Variants in ZHX3 observed in about 807,000 individuals in gnomAD.
ZHX3 encodes zinc fingers and homeoboxes protein 3.
A neutral mutation model predicts 64.5 loss-of-function variants in ZHX3; 20 were observed. The ratio of observed to expected loss-of-function variants is 0.31; its 90% confidence interval spans 0.22 to 0.45. The LOEUF is 0.45. ZHX3 is among the 20% of genes least tolerant of loss of function. The probability of loss-of-function intolerance (pLI) is 1.00; values close to 1 mark genes in which losing one functional copy is unlikely to be tolerated. For synonymous variants in ZHX3, 423 were observed against 461.6 expected (o/e 0.92, Z 1.07); for missense variants, 1,041 against 1,195.8 (o/e 0.87, Z 1.91).
Position 41,203,822 on chromosome 20 carries a change from A to G in ZHX3, c.1095T>C (p.Pro365=), listed in dbSNP as rs781060319. The G allele has an allele frequency of 4.3e-6, 7 of 1,614,130 alleles. No individual in the cohort carries two copies. In the South Asian group the frequency reaches 6.6e-5, roughly 15 times the overall value. Residue 365 remains proline, a synonymous_variant, in exon 3 of 4, where the codon CCT becomes CCC. Coordinates refer to ENST00000683867, the MANE Select transcript of ZHX3 (RefSeq NM_001384317.1). The surrounding 1 kb of genome is among the most constrained non-coding windows in gnomAD (Gnocchi z 7.1). The part of the protein sequence containing the change: ...QRLKQGISWS[P]EEIEDARKKM... Reference sequence around the variant, plus strand: ...TTTTCCGGGCATCCTCAATCTCCTCAGGGGACCAGCTGATCCCCTGCTTCA... The same window carrying G: ...TTTTCCGGGCATCCTCAATCTCCTCGGGGGACCAGCTGATCCCCTGCTTCA...
In ZHX3 at chr20:41,200,295, T is replaced by C. The variant is rs1600743752; in HGVS notation, c.2860+1762A>G. Among the ~76,000 whole-genome samples, 1 of 152,302 alleles carries C rather than the reference T, an allele frequency of 6.6e-6. No individual in the cohort carries two copies. Among genetic ancestry groups the C allele is most frequent in the East Asian group, 1.9e-4 (1 of 5,184 alleles). Reference sequence around the variant, plus strand: ...CCATCTTCCATAACATCATTCTCCATGTCAGCTTTCGTAATCAACTTGTTC... The same window carrying C: ...CCATCTTCCATAACATCATTCTCCACGTCAGCTTTCGTAATCAACTTGTTC... On this transcript the variant is annotated intron_variant, in intron 3 of 3. Transcript: ENST00000683867. This position sits in a 1 kb window ranked among gnomAD's most constrained non-coding sequence, Gnocchi z 4.2.
intron 2 of ZHX3, among the ~76,000 whole-genome samples, chr20:41,238,329 T>C (rs898411300): frequency 2.0e-5 from 3 of 152,064 alleles, no homozygotes; most frequent in Non-Finnish European, 4.4e-5. Flanking sequence ...CTAACAGAGT[T>C]TGAGTAACAA....
intron 1 of ZHX3, chr20:41,272,307 G>C (rs1056145294): frequency 3.3e-5 from 5 of 152,188 alleles, no homozygotes; most frequent in Non-Finnish European, 1.5e-5. Flanking sequence ...AACTATGACA[G>C]CAAAGCCACA....
At chr20:41,240,694 T>G (rs190763428) in intron 2 of ZHX3, among the ~76,000 whole-genome samples, 10 of 152,182 alleles carry the variant, frequency 6.6e-5, no homozygotes, top group Admixed American at 2.6e-4. Flanking sequence ...TAACCATCCT[T>G]CTACTCTGTA....
chr20:41,248,083 G>A (rs1036568232), intron 2 of ZHX3, among the ~76,000 whole-genome samples: 6 of 152,190 alleles, frequency 3.9e-5, no homozygotes, highest in African/African-American at 9.6e-5. Context: ...ACACCCAAGC[G>A]TAAATCTACT....
Position 41,203,223 on chromosome 20 carries a change from G to A in ZHX3, c.1694C>T (p.Ser565Phe). The A allele has an allele frequency of 6.2e-7, 1 of 1,614,138 alleles. No individual in the cohort carries two copies. The highest frequency in any genetic ancestry group is 8.5e-7 in the Non-Finnish European group (1 of 1,180,032). ...SRAMIPGDHS[S>F]IIIDSVPEVS... ...CTCTGGCACAGAGTCAATGATGATG[G>A]AACTGTGATCTCCAGGTATCATCGC... is the stretch of plus-strand genomic sequence containing the variant. The change falls in exon 3 of 4, where the codon TCC becomes TTC. Residue 565 changes from serine (S) to phenylalanine (F), a missense_variant. Physicochemically the swap from Ser to Phe is radical, Grantham distance 155. This residue lies in a region of ZHX3 where 649 missense variants were observed against 739.8 expected (regional missense o/e 0.88). Coordinates refer to ENST00000683867, the MANE Select transcript of ZHX3 (RefSeq NM_001384317.1). This position sits in a 1 kb window ranked among gnomAD's most constrained non-coding sequence, Gnocchi z 7.1.
At chr20:41,221,827 G>A (rs902518667) in intron 2 of ZHX3, among the ~76,000 whole-genome samples, 1 of 152,226 alleles carries the variant, frequency 6.6e-6, no homozygotes, top group Non-Finnish European at 1.5e-5. Flanking sequence ...ACCTTGAGGT[G>A]AGAATGTGCC....
intron 1 of ZHX3, among the ~76,000 whole-genome samples, chr20:41,287,520 T>C (rs4812488): frequency 0.4 from 60,363 of 152,034 alleles, 12,437 homozygotes; most frequent in East Asian, 0.74. Flanking sequence ...TATGATGAAA[T>C]GTCACTTCCA....
chr20:41,317,711 C>T lies in ZHX3; in HGVS notation c.-447G>A, dbSNP rs1195606613. Reference sequence around the variant, plus strand: ...CCGCTCGGCTGGGCTCGGCCGCTCTCGGAGGCGCTCGGCTCTGCTCGGCCT... The same window carrying T: ...CCGCTCGGCTGGGCTCGGCCGCTCTTGGAGGCGCTCGGCTCTGCTCGGCCT... On this transcript the variant is annotated 5_prime_UTR_variant, in exon 1 of 4. Transcript: ENST00000683867. The T allele has an allele frequency of 6.6e-6, 1 of 151,878 alleles. No individual in the cohort carries two copies. The highest frequency in any genetic ancestry group is 1.5e-5 in the Non-Finnish European group (1 of 67,972). The allele number at this position is 151,878 out of a possible 1,614,324, so 9.4% of individuals were successfully genotyped here. A position where few individuals can be genotyped will look rare whatever the true frequency, so the allele number is the denominator to read the frequency against.
chr20:41,225,133 T>G (rs1264189855), intron 2 of ZHX3, among the ~76,000 whole-genome samples: 2 of 152,264 alleles, frequency 1.3e-5, no homozygotes, highest in Non-Finnish European at 2.9e-5. Flanking sequence ...CACTGTGGAC[T>G]GTGTATTCCT....
At chr20:41,257,179 C>T (rs1410185307) in intron 2 of ZHX3, among the ~76,000 whole-genome samples, 4 of 152,190 alleles carry the variant, frequency 2.6e-5, no homozygotes, top group African/African-American at 9.7e-5. Flanking sequence ...CCATCTTGGC[C>T]TCAGCAGCAA....
At chr20:41,268,486 TA>T (rs1458283551) in intron 2 of ZHX3, among the ~76,000 whole-genome samples, 1 of 152,230 alleles carries the variant, frequency 6.6e-6, no homozygotes, top group Non-Finnish European at 1.5e-5. Context: ...TGTCCATCAT[TA>T]AATACACTAG....
intron 2 of ZHX3, among the ~76,000 whole-genome samples, chr20:41,221,970 T>G (rs1363123477): frequency 6.6e-6 from 1 of 152,214 alleles, no homozygotes; most frequent in African/African-American, 2.4e-5. Context: ...ACTGCCATGA[T>G]CTGAGTCTCT....
Position 41,240,709 on chromosome 20 carries a change from G to A in ZHX3, c.-151+28281C>T, listed in dbSNP as rs181997277. Among the ~76,000 whole-genome samples the A allele has an allele frequency of 5.2e-4, 79 of 151,930 alleles. 1 individual carries two copies. Among genetic ancestry groups the A allele is most frequent in the East Asian group, 4.7e-3 (24 of 5,160 alleles). ...TAACCATCCTTCTACTCTGTATCTC[G>A]ATAAGTTCAATTCTTTTAATTTTTA... On this transcript the variant is annotated intron_variant, in intron 2 of 3. Coordinates refer to ENST00000683867, the MANE Select transcript of ZHX3 (RefSeq NM_001384317.1).
At chr20:41,218,443 CTAAATAAA>C (rs60949298) in intron 2 of ZHX3, among the ~76,000 whole-genome samples, 15 of 151,710 alleles carry the variant, frequency 9.9e-5, no homozygotes, top group Middle Eastern at 3.4e-3. Context: ...GACCCTGTCT[CTAAATAAA>C]TAAATAAATA....
intron 2 of ZHX3, among the ~76,000 whole-genome samples, chr20:41,230,807 T>TG (rs1394161894): frequency 6.6e-6 from 1 of 152,162 alleles, no homozygotes; most frequent in Non-Finnish European, 1.5e-5. Flanking sequence ...GCCTACTCCA[T>TG]TATCAACATT....
rs1331889773 is a variant in ZHX3, at chr20:41,224,680, T to C, written c.-150-19614A>G. 6.6e-6 allele frequency among the ~76,000 whole-genome samples: 1 copy of C among 152,230 alleles called. No homozygotes were observed. The highest frequency in any genetic ancestry group is 1.9e-4 in the East Asian group (1 of 5,198). ...AGAATTAAGGAGGATTAGGATTCTT[T>C]CATCACAAGGCCATTTGGATACACG... On this transcript the variant is annotated intron_variant, in intron 2 of 3. Transcript: ENST00000683867. This position sits in a 1 kb window ranked among gnomAD's most constrained non-coding sequence, Gnocchi z 5.2.
chr20:41,239,918 A>T (rs1276355137), intron 2 of ZHX3, among the ~76,000 whole-genome samples: 1 of 152,216 alleles, frequency 6.6e-6, no homozygotes, highest in Non-Finnish European at 1.5e-5. Flanking sequence ...AAGGAGAAGA[A>T]TGTCTTGGAA....
Position 41,204,857 on chromosome 20 carries a change from C to T in ZHX3, c.60G>A (p.Leu20=). ...PCMIPVKTVV[L]QDASMEAQPA... The stretch of plus-strand genomic sequence containing the variant: ...GCTGGGCCTCCATGCTGGCATCTTG[C>T]AACACCACAGTCTTCACTGGGATCA... Residue 20 remains leucine (L), a synonymous_variant, in exon 3 of 4, where the codon TTG becomes TTA. Transcript: ENST00000683867. This position sits in a 1 kb window ranked among gnomAD's most constrained non-coding sequence, Gnocchi z 6.6. The T allele has an allele frequency of 2.5e-6, 4 of 1,585,768 alleles. No individual in the cohort carries two copies. Among genetic ancestry groups the T allele is most frequent in the Non-Finnish European group, 3.4e-6 (4 of 1,165,862 alleles).
Sources: allele counts gnomAD v4.1 joint callset (sites outside exome capture counted in the v4.1 genomes callset), GRCh38; gene constraint gnomAD v4.1.1; regional missense constraint gnomAD v4.1.1; non-coding constraint Gnocchi (gnomAD v3.1); transcripts MANE v1.5; gene names NCBI Gene and HGNC (gene_info 2026-07-23, HGNC 2026-07-21).